Variants in TEX15 observed in about 807,000 individuals in gnomAD.
TEX15 encodes the protein testis-expressed protein 15.
Under a neutral mutation model 237.3 loss-of-function variants are expected in TEX15, and 171 were observed. The observed-to-expected ratio is 0.72, with a 90% CI of 0.64 to 0.82. The LOEUF (loss-of-function observed/expected upper bound fraction) is 0.82. Among genes scored for constraint, TEX15 ranks in the 40% least tolerant of loss-of-function variants. The pLI, the probability that TEX15 is intolerant of heterozygous loss-of-function variation, is 0.00. For missense variants in TEX15, 3,750 were observed against 3,646.5 expected (o/e 1.03, Z -0.73); for synonymous variants, 1,338 against 1,269.8 (o/e 1.05, Z -1.14).
In TEX15 at chr8:30,848,050, T is replaced by G. The variant is rs745935986; in HGVS notation, c.2117A>C (p.His706Pro). The G allele has an allele frequency of 3.1e-6, 5 of 1,613,902 alleles. No homozygotes were observed. In the South Asian group the frequency reaches 4.4e-5, roughly 14 times the overall value. ...AGTAATTTGCCATTCCAATGCTAGA[T>G]GATCTAGTTCATCCTTATCCTTTAT... ...STIKDKDELDHLALEWQITPS... is the reference protein window; with the variant it reads ...STIKDKDELDPLALEWQITPS... The change falls in exon 8 of 11, where the codon CAT becomes CCT. Residue 706 changes from histidine to proline, a missense_variant. By Grantham distance (77) the His-to-Pro change is moderately conservative. Coordinates refer to ENST00000643185, the MANE Select transcript of TEX15 (RefSeq NM_001350162.2).
At chr8:30,900,528 GTTT>G (rs1191607248) in intron 1 of TEX15, among the ~76,000 whole-genome samples, 1 of 152,184 alleles carries the variant, frequency 6.6e-6, no homozygotes, top group Non-Finnish European at 1.5e-5. Context: ...TTGAAAGATA[GTTT>G]TTAAGTTAGT....
At position 30,845,690 on chromosome 8, in the gene TEX15, C is replaced by T; in HGVS notation, c.4477G>A (p.Ala1493Thr). 1 of 1,613,540 alleles carries T rather than the reference C, an allele frequency of 6.2e-7. No individual in the cohort carries two copies. The highest frequency in any genetic ancestry group is 8.5e-7 in the Non-Finnish European group (1 of 1,179,598). ...GGGTGACTTTTTGAGACACTGCTAG[C>T]CATACTTTTCCTAGAAAGGCATTTT... ...EKKCLSRKSMASSVSKSHPTT... is the reference protein window; with the variant it reads ...EKKCLSRKSMTSSVSKSHPTT... Residue 1493 changes from alanine to threonine, a missense_variant, in exon 8 of 11, where the codon GCT becomes ACT. By Grantham distance (58) the Ala-to-Thr change is moderately conservative. Transcript: ENST00000643185.
chr8:30,888,646 C>T, intron 2 of TEX15: 1 of 1,289,678 alleles, frequency 7.8e-7, no homozygotes, highest in South Asian at 1.2e-5. Context: ...CATTTCGTAA[C>T]ATGGTTGATG....
rs762218082 is a variant in TEX15, at chr8:30,847,616, GC to G, written c.2550del (p.Trp850CysfsTer2). ...FCNSQLSNDIWLNVNFKKQTD... is the reference protein window; with the variant it reads ...FCNSQLSNDIXLNVNFKKQTD... The stretch of plus-strand genomic sequence containing the variant: ...GTTTGTTTTTTGAAATTAACATTCA[GC>G]CATATATCATTGCTTAACTGTGAAT... On this transcript the variant is annotated frameshift_variant, in exon 8 of 11. Coordinates refer to ENST00000643185, the MANE Select transcript of TEX15 (RefSeq NM_001350162.2). LOFTEE classifies it high-confidence loss of function. 6.2e-7 allele frequency: 1 copy of G among 1,613,274 alleles called. No homozygotes were observed. The highest frequency in any genetic ancestry group is 8.5e-7 in the Non-Finnish European group (1 of 1,179,786).
intron 5 of TEX15, among the ~76,000 whole-genome samples, chr8:30,863,970 A>C (rs1015698104): frequency 1.1e-4 from 16 of 146,842 alleles, no homozygotes; most frequent in Admixed American, 4.8e-4. Context: ...GAAAAAAAAA[A>C]CAGAAATTGT....
At chr8:30,852,477 T>A (rs1383426479) in intron 7 of TEX15, among the ~76,000 whole-genome samples, 1 of 152,200 alleles carries the variant, frequency 6.6e-6, no homozygotes, top group African/African-American at 2.4e-5. Flanking sequence ...ACACAGTTTA[T>A]TAACAGTAGA....
Position 30,843,824 on chromosome 8 carries a change from C to T in TEX15, c.6343G>A (p.Gly2115Arg). ...TGCTGTTGAAATCCACGTGGTTTTC[C>T]AAGAAGCTCAGCATACAGTGTTTCA... ...YDETLYAELL[G>R]KPRGFQQQSN... is the part of the protein sequence containing the mutation. Residue 2115 changes from glycine to arginine, a missense_variant, in exon 8 of 11, where the codon GGA becomes AGA. Coordinates refer to ENST00000643185, the MANE Select transcript of TEX15 (RefSeq NM_001350162.2). 6.2e-7 allele frequency: 1 copy of T among 1,612,696 alleles called. No homozygotes were observed. Among genetic ancestry groups the T allele is most frequent in the Non-Finnish European group, 8.5e-7 (1 of 1,179,334 alleles).
Position 30,845,236 on chromosome 8 carries a change from T to C in TEX15, c.4931A>G (p.Lys1644Arg). The change falls in exon 8 of 11, where the codon AAG becomes AGG. Residue 1644 changes from lysine to arginine, a missense_variant. Physicochemically the swap from Lys to Arg is conservative, Grantham distance 26. Transcript: ENST00000643185. The part of the protein sequence containing the change: ...DCDATCIGHT[K>R]AKTDVLISVL... ...TGATATAAGTACGTCAGTTTTCGCC[T>C]TTGTGTGACCTATGCAAGTTGCATC... 2 of 1,613,574 alleles carry C rather than the reference T, an allele frequency of 1.2e-6. No homozygotes were observed. The highest frequency in any genetic ancestry group is 1.7e-6 in the Non-Finnish European group (2 of 1,179,558).
rs576721941 is a variant in TEX15 at position 30,858,332 on chromosome 8, T to A, written c.850+336A>T. ...CTTTTTCTTTTTTTTTTTTTGTTTGTGACAAGGTCTCCCTCTGTCACCTAG... is the reference window on the plus strand; with the variant it reads ...CTTTTTCTTTTTTTTTTTTTGTTTGAGACAAGGTCTCCCTCTGTCACCTAG... On this transcript the variant is annotated intron_variant, in intron 7 of 10. Transcript: ENST00000643185. Among the ~76,000 whole-genome samples, 5 of 151,836 alleles carry A rather than the reference T, an allele frequency of 3.3e-5. No homozygotes were observed. The East Asian group carries it at 9.7e-4, about 29-fold the overall frequency.
intron 1 of TEX15, among the ~76,000 whole-genome samples, chr8:30,903,254 A>G (rs1585317685): frequency 1.3e-5 from 2 of 152,362 alleles, no homozygotes; most frequent in East Asian, 1.9e-4. Flanking sequence ...TAGTCAAATG[A>G]GAGCAGACTT....
intron 10 of TEX15, among the ~76,000 whole-genome samples, chr8:30,835,437 G>A (rs1382805417): frequency 1.3e-5 from 2 of 152,042 alleles, no homozygotes; most frequent in African/African-American, 2.4e-5. Context: ...AGCTGGACAT[G>A]GTGATGCATG....
intron 2 of TEX15, among the ~76,000 whole-genome samples, chr8:30,893,897 T>A (rs1808843470): frequency 1.5e-5 from 2 of 131,508 alleles, no homozygotes; most frequent in African/African-American, 7.7e-5. Context: ...ATCATTCTAT[T>A]TCCTTAGTAT....
chr8:30,848,267 C>T lies in TEX15; in HGVS notation c.1900G>A (p.Glu634Lys), dbSNP rs1266939675. 1.9e-6 allele frequency: 3 copies of T among 1,611,880 alleles called. No homozygotes were observed. The highest frequency in any genetic ancestry group is 2.7e-5 in the African/African-American group (2 of 74,726). ...TCTTTCCATGAAGTTTGCTTTTCTT[C>T]ATGTTTGGAACTGTCTTCCAGGTCA... ...FADLEDSSKHEEKQTSWKEID... is the reference protein window; with the variant it reads ...FADLEDSSKHKEKQTSWKEID... Residue 634 changes from glutamate (E) to lysine (K), a missense_variant, in exon 8 of 11, where the codon GAA (glutamate) becomes AAA (lysine). Transcript: ENST00000643185.
chr8:30,845,042 A>C lies in TEX15; in HGVS notation c.5125T>G (p.Leu1709Val). The C allele has an allele frequency of 1.2e-6, 2 of 1,613,582 alleles. No homozygotes were observed. The highest frequency in any genetic ancestry group is 1.7e-6 in the Non-Finnish European group (2 of 1,179,578). Reference sequence around the variant, plus strand: ...ATACTGTACTTTTTACTTGCTATCAAAGTTAGGTTTAATGGGCCCATAAGG... The same window carrying C: ...ATACTGTACTTTTTACTTGCTATCACAGTTAGGTTTAATGGGCCCATAAGG... ...NFLMGPLNLT[L>V]IASKKYSIPQ... The change falls in exon 8 of 11, where the codon TTG (leucine) becomes GTG (valine). Residue 1709 changes from leucine (L) to valine (V), a missense_variant. Physicochemically the swap from Leu to Val is conservative, Grantham distance 32 (BLOSUM62 1). Transcript: ENST00000643185.
rs374709716 is a variant in TEX15, at chr8:30,855,216, T to G, written c.850+3452A>C. 3.3e-5 allele frequency among the ~76,000 whole-genome samples: 5 copies of G among 152,162 alleles called. No homozygotes were observed. In the South Asian group the frequency reaches 1.0e-3, roughly 32 times the overall value. ...AAATCCCAAAGACCACTAAAAAAAA[T>G]CTATTAGAATAACGAGTTCAGCAAG... is the stretch of plus-strand genomic sequence containing the variant. On this transcript the variant is annotated intron_variant, in intron 7 of 10. Transcript: ENST00000643185.
intron 1 of TEX15, among the ~76,000 whole-genome samples, chr8:30,912,099 C>T (rs887786691): frequency 6.6e-6 from 1 of 152,226 alleles, no homozygotes; most frequent in Non-Finnish European, 1.5e-5. Context: ...TCCCCTCAGG[C>T]GCCCGCGTCG....
chr8:30,839,855 G>C, intron 9 of TEX15, 51 bp downstream of exon 9: 1 of 1,219,024 alleles, frequency 8.2e-7, no homozygotes, highest in Non-Finnish European at 1.2e-6. Context: ...TTTAGTATTT[G>C]CCCAATTTTG....
Position 30,848,189 on chromosome 8 carries a change from T to C in TEX15, c.1978A>G (p.Ile660Val), listed in dbSNP as rs62000454. The C allele has an allele frequency of 2.4e-3, 3,841 of 1,611,722 alleles. 93 individuals carry two copies. The African/African-American group carries it at 0.045, about 19-fold the overall frequency. Residue 660 changes from isoleucine to valine, a missense_variant, in exon 8 of 11, where the codon ATT becomes GTT. Ile to Val is a conservative substitution (Grantham distance 29). Coordinates refer to ENST00000643185, the MANE Select transcript of TEX15 (RefSeq NM_001350162.2). ...TCTTTGTATTCTTGGTGCAAAACAA[T>C]GTAATTATCTATTGGACTGATTTTT... The part of the protein sequence containing the change: ...ETKISPIDNY[I>V]VLHQEYKESE...
At chr8:30,840,554 T>C (rs1436645620) in intron 8 of TEX15, among the ~76,000 whole-genome samples, 2 of 152,186 alleles carry the variant, frequency 1.3e-5, no homozygotes, top group African/African-American at 4.8e-5. Context: ...ATGTCCTTTC[T>C]TGTAAACCAG....
Sources: gnomAD v4.1 joint callset for allele counts (sites outside exome capture counted in the v4.1 genomes callset) on GRCh38, gnomAD v4.1.1 for gene constraint, MANE v1.5 for transcripts, NCBI Gene and HGNC (gene_info 2026-07-23, HGNC 2026-07-21) for gene names.